Variants in PTPRT observed in about 807,000 individuals in gnomAD.
PTPRT encodes receptor-type tyrosine-protein phosphatase T.
In PTPRT, 56 loss-of-function variants were observed where a neutral mutation model predicts 176.8. That is an observed-to-expected ratio of 0.32 (90% CI 0.26 to 0.40). The LOEUF is 0.40. Among genes scored for constraint, PTPRT ranks in the 10% least tolerant of loss-of-function variants. PTPRT has a pLI of 1.00. For synonymous variants in PTPRT, 783 were observed against 739.0 expected, an observed-to-expected ratio of 1.06 and a Z score of -0.96; for missense variants, 1,540 against 1,908.2, an observed-to-expected ratio of 0.81 and a Z score of 3.60.
rs149864193 is a variant in PTPRT at position 42,629,205 on chromosome 20, T to C, written c.1153+48661A>G. Among the ~76,000 whole-genome samples the C allele has an allele frequency of 3.6e-3, 545 of 151,994 alleles. 6 individuals carry two copies. Among genetic ancestry groups the C allele is most frequent in the African/African-American group, 0.013 (533 of 41,426 alleles). ...GTGAGGATGCTTTTTTTTTTTTTCC[T>C]GGTGAAGTAATTATAGAGACGAGTG... On this transcript the variant is annotated intron_variant, in intron 7 of 30. Transcript: ENST00000373187.
intron 1 of PTPRT, among the ~76,000 whole-genome samples, chr20:42,952,803 C>G (rs1237610547): frequency 6.6e-6 from 1 of 152,216 alleles, no homozygotes; most frequent in Non-Finnish European, 1.5e-5. Flanking sequence ...GATCTACCAG[C>G]ATCTTGCTTT....
At chr20:42,641,831 G>A (rs1378350392) in intron 7 of PTPRT, among the ~76,000 whole-genome samples, 1 of 152,170 alleles carries the variant, frequency 6.6e-6, no homozygotes, top group Admixed American at 6.5e-5. Flanking sequence ...GGTGTCGACA[G>A]AGGGAGCAAT....
At chr20:43,003,645 T>C (rs1984707369) in intron 1 of PTPRT, among the ~76,000 whole-genome samples, 1 of 152,250 alleles carries the variant, frequency 6.6e-6, no homozygotes. Context: ...TTAAAAACTT[T>C]TAAGAAGTAT....
At chr20:43,019,276 A>G (rs926393734) in intron 1 of PTPRT, among the ~76,000 whole-genome samples, 1 of 152,132 alleles carries the variant, frequency 6.6e-6, no homozygotes, top group Admixed American at 6.5e-5. Flanking sequence ...CACAAAACCC[A>G]TCCCATTTCT....
At chr20:42,609,218 C>T (rs991819033) in intron 7 of PTPRT, among the ~76,000 whole-genome samples, 3 of 152,066 alleles carry the variant, frequency 2.0e-5, no homozygotes, top group African/African-American at 7.2e-5. Context: ...GTACTACAGA[C>T]ACACATGACC....
At chr20:42,381,240 T>C (rs2058695671) in intron 9 of PTPRT, among the ~76,000 whole-genome samples, 1 of 152,202 alleles carries the variant, frequency 6.6e-6, no homozygotes, top group Non-Finnish European at 1.5e-5. Context: ...AGATTCATTG[T>C]AGGGTGATAC....
intron 12 of PTPRT, among the ~76,000 whole-genome samples, chr20:42,304,353 C>T (rs933264732): frequency 1.3e-5 from 2 of 152,102 alleles, no homozygotes; most frequent in Non-Finnish European, 2.9e-5. Flanking sequence ...TACCTCTATG[C>T]TCTATCCCAC....
chr20:42,617,244 T>C (rs1160081328), intron 7 of PTPRT, among the ~76,000 whole-genome samples: 1 of 136,288 alleles, frequency 7.3e-6, no homozygotes, highest in African/African-American at 3.3e-5. Context: ...ATTACATTTA[T>C]TGATTTGCGT....
At chr20:42,369,211 C>T (rs769523445) in intron 9 of PTPRT, among the ~76,000 whole-genome samples, 15 of 152,160 alleles carry the variant, frequency 9.9e-5, no homozygotes, top group Non-Finnish European at 1.6e-4. Context: ...AATCCTCCCA[C>T]CTCAGTCTCC....
chr20:43,126,222 G>T (rs1429185936), intron 1 of PTPRT, among the ~76,000 whole-genome samples: 1 of 152,032 alleles, frequency 6.6e-6, no homozygotes, highest in East Asian at 1.9e-4. Context: ...ATGATGGTGG[G>T]TGCCTGTAAT....
At chr20:42,670,842 G>A (rs1214088765) in intron 7 of PTPRT, among the ~76,000 whole-genome samples, 1 of 152,172 alleles carries the variant, frequency 6.6e-6, no homozygotes, top group Non-Finnish European at 1.5e-5. Flanking sequence ...GAAGTTTGGG[G>A]GGATAAAAGA....
chr20:43,124,667 A>G (rs570968296), intron 1 of PTPRT, among the ~76,000 whole-genome samples: 63 of 152,356 alleles, frequency 4.1e-4, no homozygotes, highest in Admixed American at 3.8e-3. Flanking sequence ...CAACGATCCA[A>G]CAGATAGCTA....
the PTPRT span, among the ~76,000 whole-genome samples, chr20:42,032,101 G>A: frequency 1.3e-5 from 2 of 152,030 alleles, no homozygotes; most frequent in Non-Finnish European, 2.9e-5. Context: ...TACACCAAAG[G>A]ACAGAATGCC....
chr20:42,586,892 C>T (rs1037349323), intron 7 of PTPRT, among the ~76,000 whole-genome samples: 1 of 152,190 alleles, frequency 6.6e-6, no homozygotes, highest in Admixed American at 6.5e-5. Flanking sequence ...AACCTTCATG[C>T]ACCAAGCTGG....
intron 2 of PTPRT, among the ~76,000 whole-genome samples, chr20:42,880,495 C>G (rs974074063): frequency 2.0e-5 from 3 of 152,206 alleles, no homozygotes; most frequent in African/African-American, 7.2e-5. Flanking sequence ...GCCCCACTAC[C>G]TCTGGCTTCA....
chr20:43,061,424 G>A lies in PTPRT; in HGVS notation c.88+128222C>T, dbSNP rs146403889. Among the ~76,000 whole-genome samples the A allele has an allele frequency of 4.6e-3, 706 of 152,282 alleles. 6 individuals are homozygous for A. The highest frequency in any genetic ancestry group is 0.017 in the Middle Eastern group (5 of 294). On this transcript the variant is annotated intron_variant, in intron 1 of 30. Coordinates refer to ENST00000373187, the MANE Select transcript of PTPRT (RefSeq NM_007050.6). Reference sequence around the variant, plus strand: ...TCAAATGTGCTCGGCCTCATGTTGAGCACCTTTAAGTCCTTCACTGTACTA... The same window carrying A: ...TCAAATGTGCTCGGCCTCATGTTGAACACCTTTAAGTCCTTCACTGTACTA...
At chr20:43,092,898 T>C (rs976321727) in intron 1 of PTPRT, among the ~76,000 whole-genome samples, 2 of 152,214 alleles carry the variant, frequency 1.3e-5, no homozygotes, top group Non-Finnish European at 1.5e-5. Context: ...ACCTAGCCTA[T>C]ACTGACTGAT....
At chr20:42,757,753 G>A (rs984200188) in intron 5 of PTPRT, among the ~76,000 whole-genome samples, 1 of 152,154 alleles carries the variant, frequency 6.6e-6, no homozygotes, top group Non-Finnish European at 1.5e-5. Flanking sequence ...ATACACGTGG[G>A]CTTTTGTCTT....
Position 42,513,201 on chromosome 20 carries a change from GGTGTGTGTGTGT to G in PTPRT, c.1154-40651_1154-40640del, listed in dbSNP as rs58268839. On this transcript the variant is annotated intron_variant, in intron 7 of 30. Transcript: ENST00000373187. The stretch of plus-strand genomic sequence containing the variant: ...TTTTTCATATGTTCTCTATTGATGG[GGTGTGTGTGTGT>G]GTGTGTGTGTGTGTGTGTGTGTGTG... 4.1e-3 allele frequency among the ~76,000 whole-genome samples: 597 copies of G among 144,660 alleles called. 6 individuals carry two copies. Among genetic ancestry groups the G allele is most frequent in the African/African-American group, 0.013 (504 of 39,188 alleles). 94.9% of individuals were successfully genotyped at this position (144,660 alleles called of 152,430 possible).
Sources: gnomAD v4.1 joint callset for allele counts (sites outside exome capture counted in the v4.1 genomes callset) on GRCh38, gnomAD v4.1.1 for gene constraint, MANE v1.5 for transcripts, NCBI Gene and HGNC (gene_info 2026-07-23, HGNC 2026-07-21) for gene names.